The following MED27 variants were observed in gnomAD, a reference collection of about 807,000 sequenced individuals.
MED27 encodes mediator of RNA polymerase II transcription subunit 27.
MED27 carries 30 observed loss-of-function variants against 38.2 expected under a neutral mutation model. The ratio of observed to expected loss-of-function variants is 0.79; its 90% CI spans 0.59 to 1.07. MED27 has a LOEUF of 1.07. Among genes scored for constraint, MED27 ranks in the 50% least tolerant of loss-of-function variants. MED27 has a pLI of 0.00. For synonymous variants in MED27, 122 were observed against 153.5 expected (o/e 0.79, Z 1.52); for missense variants, 289 against 397.5 (o/e 0.73, Z 2.32).
chr9:132,012,334 C>T (rs1832502768), intron 3 of MED27, among the ~76,000 whole-genome samples: 1 of 152,148 alleles, frequency 6.6e-6, no homozygotes, highest in African/African-American at 2.4e-5. Context: ...AGCATTCTGC[C>T]AAATAGTCAA....
chr9:132,062,389 T>C (rs1833715443), intron 2 of MED27, among the ~76,000 whole-genome samples: 1 of 152,084 alleles, frequency 6.6e-6, no homozygotes, highest in Non-Finnish European at 1.5e-5. Context: ...GACTCTCAAG[T>C]AACAAATATA....
chr9:132,028,093 C>G (rs1371792689), intron 2 of MED27, among the ~76,000 whole-genome samples: 21 of 152,230 alleles, frequency 1.4e-4, no homozygotes, highest in Non-Finnish European at 1.5e-5. Flanking sequence ...CACCAGCATT[C>G]TACCACTCTG....
At chr9:131,904,529 A>G (rs1830015653) in intron 4 of MED27, among the ~76,000 whole-genome samples, 1 of 139,782 alleles carries the variant, frequency 7.2e-6, no homozygotes, top group Non-Finnish European at 1.5e-5. Context: ...TTTTTTTTTT[A>G]AATAGAGATC....
intron 5 of MED27, among the ~76,000 whole-genome samples, chr9:131,888,285 T>A (rs892145858): frequency 8.5e-5 from 13 of 152,222 alleles, no homozygotes; most frequent in African/African-American, 3.1e-4. Flanking sequence ...ATGAGGACGC[T>A]GAGGCTCAGA....
intron 2 of MED27, among the ~76,000 whole-genome samples, chr9:132,064,409 A>G (rs1031008578): frequency 2.0e-5 from 3 of 152,234 alleles, no homozygotes; most frequent in African/African-American, 7.2e-5. Flanking sequence ...AGAGTCACCA[A>G]TACATATCTC....
rs186960559 is a variant in MED27, at chr9:131,872,173, G to A, written c.724-9033C>T. Reference sequence around the variant, plus strand: ...GGACCCAGGAGTTCACAGGCTCCCTGAGATGATTTTGGGTGCAGGTTCAAG... The same window carrying A: ...GGACCCAGGAGTTCACAGGCTCCCTAAGATGATTTTGGGTGCAGGTTCAAG... On this transcript the variant is annotated intron_variant, in intron 6 of 7. Coordinates refer to ENST00000292035, the MANE Select transcript of MED27 (RefSeq NM_004269.4). The surrounding 1 kb of genome is among the most constrained non-coding windows in gnomAD (Gnocchi z 5.6). Among the ~76,000 whole-genome samples, 3 of 152,254 alleles carry A rather than the reference G, an allele frequency of 2.0e-5. No individual in the cohort carries two copies. Among genetic ancestry groups the A allele is most frequent in the Admixed American group, 2.0e-4 (3 of 15,310 alleles).
intron 4 of MED27, among the ~76,000 whole-genome samples, chr9:131,922,621 A>C (rs1176769639): frequency 1.4e-5 from 2 of 141,342 alleles, no homozygotes; most frequent in Non-Finnish European, 3.1e-5. Context: ...TTGTATTTTT[A>C]TTTTTATTTT....
At chr9:132,018,274 C>CT (rs888414130) in intron 2 of MED27, among the ~76,000 whole-genome samples, 2 of 152,210 alleles carry the variant, frequency 1.3e-5, no homozygotes, top group Admixed American at 6.5e-5. Context: ...ACAGAATCCT[C>CT]TTTTAAAGAG....
At position 131,892,460 on chromosome 9, in the gene MED27, A is replaced by G. The variant is rs80134273; in HGVS notation, c.681+1425T>C. On this transcript the variant is annotated intron_variant, in intron 5 of 7. Transcript: ENST00000292035. ...ATTTCCACTCCTTCTTATGATCTCA[A>G]TTCAGAGCATGCTTCATTTGCACCC... Among the ~76,000 whole-genome samples the G allele has an allele frequency of 5.5e-3, 843 of 152,266 alleles. 3 individuals are homozygous for G. Among genetic ancestry groups the G allele is most frequent in the African/African-American group, 0.019 (792 of 41,548 alleles).
intron 6 of MED27, among the ~76,000 whole-genome samples, chr9:131,876,270 A>G (rs1838931205): frequency 6.6e-6 from 1 of 152,192 alleles, no homozygotes; most frequent in Non-Finnish European, 1.5e-5. Context: ...CAGATGACAG[A>G]TGACTACTCT....
intron 2 of MED27, among the ~76,000 whole-genome samples, chr9:132,067,785 C>T (rs1158851465): frequency 6.7e-6 from 1 of 150,296 alleles, no homozygotes; most frequent in Non-Finnish European, 1.5e-5. Context: ...GATCTCGGCT[C>T]ATTGCAAGCC....
intron 3 of MED27, among the ~76,000 whole-genome samples, chr9:131,945,479 GAATAT>G (rs971805418): frequency 1.2e-4 from 18 of 152,230 alleles, no homozygotes; most frequent in African/African-American, 4.1e-4. Flanking sequence ...CAATTTTCAA[GAATAT>G]AATACATTGT....
intron 6 of MED27, among the ~76,000 whole-genome samples, chr9:131,875,984 T>A (rs576954203): frequency 5.9e-5 from 9 of 152,230 alleles, no homozygotes; most frequent in Admixed American, 2.6e-4. Context: ...CGGGACCTGA[T>A]GACACGGCGA....
intron 3 of MED27, among the ~76,000 whole-genome samples, chr9:131,991,782 C>T (rs952876263): frequency 3.3e-5 from 5 of 152,112 alleles, no homozygotes; most frequent in East Asian, 1.9e-4. Flanking sequence ...AGTGCAGTGG[C>T]GCAATCTCCG....
At chr9:132,058,585 T>C (rs917558644) in intron 2 of MED27, among the ~76,000 whole-genome samples, 2 of 152,228 alleles carry the variant, frequency 1.3e-5, no homozygotes, top group African/African-American at 4.8e-5. Context: ...GTAAGTTTCT[T>C]GGGGCCTTCC....
chr9:131,886,438 C>G (rs932030061), intron 5 of MED27, among the ~76,000 whole-genome samples: 18 of 152,280 alleles, frequency 1.2e-4, no homozygotes, highest in Middle Eastern at 3.4e-3. Context: ...TCCCTACCCC[C>G]ACTGCCTGCA....
intron 2 of MED27, among the ~76,000 whole-genome samples, chr9:132,031,187 A>G (rs1255337994): frequency 6.6e-6 from 1 of 152,210 alleles, no homozygotes; most frequent in East Asian, 1.9e-4. Flanking sequence ...TCCTCTCTGG[A>G]GAGGCTGTCC....
chr9:131,869,436 T>A, intron 6 of MED27: 1 of 977,072 alleles, frequency 1.0e-6, no homozygotes, highest in Non-Finnish European at 1.2e-6. Flanking sequence ...AAATCCACTC[T>A]GTGGCAGCCG....
rs752530314 is a variant in MED27 at position 131,939,420 on chromosome 9, G to T, written c.534C>A (p.Ile178=). 2.5e-6 allele frequency: 4 copies of T among 1,612,340 alleles called. No individual in the cohort carries two copies. The South Asian group carries it at 3.3e-5, about 13-fold the overall frequency. Residue 178 remains isoleucine (I), a synonymous_variant, in exon 4 of 8, where the codon ATC becomes ATA. Transcript: ENST00000292035. ...ATGTTCCATTGGGTCTGGATAAGTGGATGGACATTTCAGGAAACATCCTGT... is the reference window on the plus strand; with the variant it reads ...ATGTTCCATTGGGTCTGGATAAGTGTATGGACATTTCAGGAAACATCCTGT... ...RIDRMFPEMS[I]HLSRPNGTSA... is the part of the protein sequence containing the mutation.
Sources: allele counts gnomAD v4.1 joint callset (sites outside exome capture counted in the v4.1 genomes callset), GRCh38; gene constraint gnomAD v4.1.1; non-coding constraint Gnocchi (gnomAD v3.1); transcripts MANE v1.5; gene names NCBI Gene and HGNC (gene_info 2026-07-23, HGNC 2026-07-21).